Variants in NDST3 observed in about 807,000 individuals in gnomAD.
NDST3 encodes the protein bifunctional heparan sulfate N-deacetylase/N-sulfotransferase 3.
NDST3 carries 58 observed loss-of-function variants against 96.1 expected under a neutral mutation model. The observed-to-expected ratio is 0.60, with a 90% CI of 0.49 to 0.75. NDST3 has a LOEUF of 0.75. Ranked by LOEUF, NDST3 falls within the 30% of genes least tolerant of loss-of-function variation. The pLI is 0.00. For synonymous variants in NDST3, 333 were observed against 359.7 expected (o/e 0.93, Z 0.84); for missense variants, 788 against 1,034.2 (o/e 0.76, Z 3.27).
intron 2 of NDST3, among the ~76,000 whole-genome samples, chr4:118,090,899 A>G (rs1578618315): frequency 6.6e-6 from 1 of 151,898 alleles, no homozygotes; most frequent in African/African-American, 2.4e-5. Context: ...GAGATAAAAT[A>G]TGTACATAGT....
intron 6 of NDST3, among the ~76,000 whole-genome samples, chr4:118,149,849 T>C (rs915763305): frequency 5.3e-5 from 8 of 152,202 alleles, no homozygotes; most frequent in Admixed American, 3.9e-4. Context: ...TTAAAGGGAA[T>C]GCTTCCAGTT....
intron 6 of NDST3, among the ~76,000 whole-genome samples, chr4:118,170,820 T>TTGC (rs1735895380): frequency 6.6e-6 from 1 of 152,222 alleles, no homozygotes; most frequent in Non-Finnish European, 1.5e-5. Context: ...TACTAATTAT[T>TTGC]TGCCTTTTCT....
At chr4:118,137,768 C>T (rs55982607) in intron 4 of NDST3, among the ~76,000 whole-genome samples, 169 of 152,140 alleles carry the variant, frequency 1.1e-3, no homozygotes, top group South Asian at 1.2e-3. Flanking sequence ...CAGGTGGCTA[C>T]GACAAGGATG....
intron 6 of NDST3, among the ~76,000 whole-genome samples, chr4:118,176,283 T>A (rs958494660): frequency 1.1e-4 from 17 of 152,058 alleles, no homozygotes; most frequent in Non-Finnish European, 2.2e-4. Flanking sequence ...AGCAAACCTA[T>A]CCCCTACATA....
chr4:118,145,784 C>T (rs1015632482), intron 6 of NDST3, among the ~76,000 whole-genome samples: 5 of 152,122 alleles, frequency 3.3e-5, no homozygotes, highest in Non-Finnish European at 1.5e-5. Context: ...TTTCAGTAGA[C>T]AATTACTTTC....
chr4:118,197,975 T>C (rs1394239059), intron 6 of NDST3, among the ~76,000 whole-genome samples: 1 of 151,998 alleles, frequency 6.6e-6, no homozygotes, highest in African/African-American at 2.4e-5. Context: ...AATTTTTGTA[T>C]TTTTAGTAGA....
chr4:118,047,855 G>A (rs930446745), intron 1 of NDST3, among the ~76,000 whole-genome samples: 1 of 152,100 alleles, frequency 6.6e-6, no homozygotes, highest in Non-Finnish European at 1.5e-5. Flanking sequence ...AGGTTGAGTT[G>A]CAAATTCAAG....
intron 4 of NDST3, among the ~76,000 whole-genome samples, chr4:118,123,222 CGG>C (rs542168240): frequency 1.7e-3 from 263 of 152,170 alleles, no homozygotes; most frequent in African/African-American, 6.2e-3. Flanking sequence ...AGAGAGTATA[CGG>C]TGGTTATAAC....
At chr4:118,247,134 TA>T (rs1447703068) in intron 12 of NDST3, among the ~76,000 whole-genome samples, 2 of 149,542 alleles carry the variant, frequency 1.3e-5, no homozygotes, top group Non-Finnish European at 3.0e-5. Flanking sequence ...TCATAATAGC[TA>T]AAAACTAGAA....
intron 5 of NDST3, among the ~76,000 whole-genome samples, chr4:118,141,596 C>T (rs1314770121): frequency 6.6e-6 from 1 of 152,196 alleles, no homozygotes; most frequent in Non-Finnish European, 1.5e-5. Context: ...TGCACAGAAT[C>T]AGCTAGGCAA....
At chr4:118,226,641 A>T (rs1294634079) in intron 7 of NDST3, among the ~76,000 whole-genome samples, 3 of 152,112 alleles carry the variant, frequency 2.0e-5, no homozygotes, top group African/African-American at 4.8e-5. Flanking sequence ...ATGCTATGAG[A>T]CTGTTTACCC....
intron 5 of NDST3, among the ~76,000 whole-genome samples, chr4:118,141,159 C>A (rs1733543006): frequency 6.6e-6 from 1 of 152,110 alleles, no homozygotes; most frequent in South Asian, 2.1e-4. Flanking sequence ...TAATAAACTC[C>A]TAGCTATTTT....
chr4:118,168,416 G>A (rs1735700264), intron 6 of NDST3, among the ~76,000 whole-genome samples: 1 of 151,960 alleles, frequency 6.6e-6, no homozygotes, highest in African/African-American at 2.4e-5. Context: ...GTAAGTGCTA[G>A]TGAGAATGTA....
intron 8 of NDST3, among the ~76,000 whole-genome samples, chr4:118,232,629 T>A (rs1277899451): frequency 1.5e-5 from 2 of 129,340 alleles, no homozygotes; most frequent in East Asian, 2.2e-4. Context: ...TATAGTAAGA[T>A]GCTGAAAAAA....
At chr4:118,047,920 C>T (rs965672307) in intron 1 of NDST3, among the ~76,000 whole-genome samples, 3 of 152,192 alleles carry the variant, frequency 2.0e-5, no homozygotes, top group Admixed American at 2.0e-4. Context: ...TTAAGGCACA[C>T]AGTCATCAGA....
upstream of NDST3, chr4:118,033,772 G>C (rs1251282543): frequency 6.6e-6 from 1 of 152,460 alleles, no homozygotes; most frequent in Admixed American, 6.5e-5. Context: ...GCGCGGAGGG[G>C]AGAGGTCGCC....
chr4:118,092,339 C>T (rs962130911), intron 2 of NDST3, among the ~76,000 whole-genome samples: 2 of 151,598 alleles, frequency 1.3e-5, no homozygotes. Context: ...CCTCTAAAAA[C>T]CATACTACTA....
At chr4:118,094,243 T>G (rs559635584) in intron 2 of NDST3, among the ~76,000 whole-genome samples, 1 of 151,906 alleles carries the variant, frequency 6.6e-6, no homozygotes, top group Non-Finnish European at 1.5e-5. Context: ...GCAATGTAAT[T>G]CTAGTGGATT....
intron 6 of NDST3, among the ~76,000 whole-genome samples, chr4:118,164,147 A>C (rs1048558811): frequency 6.6e-5 from 10 of 152,352 alleles, no homozygotes; most frequent in Non-Finnish European, 1.2e-4. Context: ...TACACCATGG[A>C]ATACAATGCA....
Sources: allele counts gnomAD v4.1 joint callset (sites outside exome capture counted in the v4.1 genomes callset), GRCh38; gene constraint gnomAD v4.1.1; transcripts MANE v1.5; gene names NCBI Gene and HGNC (gene_info 2026-07-23, HGNC 2026-07-21).